The following DLG2 variants were observed in gnomAD, a reference collection of about 807,000 sequenced individuals.
DLG2 encodes disks large homolog 2.
Under a neutral mutation model 132.5 loss-of-function variants are expected in DLG2, and 45 were observed. The observed-to-expected ratio is 0.34, with a 90% CI of 0.27 to 0.44. DLG2 has a LOEUF of 0.44. Ranked by LOEUF, DLG2 falls within the 20% of genes least tolerant of loss-of-function variation. The pLI is 1.00. For synonymous variants in DLG2, 424 were observed against 419.6 expected (o/e 1.01, Z -0.13); for missense variants, 1,045 against 1,196.9 (o/e 0.87, Z 1.87).
chr11:85,277,434 G>A (rs1427010309), intron 4 of DLG2, among the ~76,000 whole-genome samples: 1 of 152,018 alleles, frequency 6.6e-6, no homozygotes, highest in Non-Finnish European at 1.5e-5. Flanking sequence ...TAGTATTTCT[G>A]GTAAGTATGA....
Position 84,250,686 on chromosome 11 carries a change from T to C in DLG2, c.573+552A>G, listed in dbSNP as rs1409877025. ...TCAAGAACTTTTGCCATCATAGTGG[T>C]TGTGTTACAGGTACAGAATCCTAGG... On this transcript the variant is annotated intron_variant, in intron 8 of 27. Transcript: ENST00000376104. Among the ~76,000 whole-genome samples, 7 of 152,332 alleles carry C rather than the reference T, an allele frequency of 4.6e-5. No homozygotes were observed. In the South Asian group the frequency reaches 6.2e-4, roughly 14 times the overall value.
At chr11:84,313,681 GAA>G (rs926413513) in intron 7 of DLG2, among the ~76,000 whole-genome samples, 16 of 148,988 alleles carry the variant, frequency 1.1e-4, no homozygotes, top group African/African-American at 4.0e-4. Flanking sequence ...AAGAAAGAAA[GAA>G]AGAAAAAGAA....
intron 3 of DLG2, among the ~76,000 whole-genome samples, chr11:85,470,675 C>T (rs572446789): frequency 1.3e-5 from 2 of 151,980 alleles, no homozygotes; most frequent in South Asian, 4.1e-4. Context: ...TTGCAGTGAG[C>T]CAAAATCATG....
intron 11 of DLG2, among the ~76,000 whole-genome samples, chr11:84,036,272 C>T (rs1341931557): frequency 4.6e-5 from 7 of 152,014 alleles, no homozygotes; most frequent in Non-Finnish European, 1.0e-4. Flanking sequence ...ACTTGTATAT[C>T]GTCACAGATA....
chr11:83,693,273 A>G (rs1454947704), intron 18 of DLG2, among the ~76,000 whole-genome samples: 3 of 152,224 alleles, frequency 2.0e-5, no homozygotes, highest in Admixed American at 6.5e-5. Flanking sequence ...ACACAGGAAA[A>G]GTTGTCTGGT....
intron 21 of DLG2, among the ~76,000 whole-genome samples, chr11:83,487,042 A>G (rs933955580): frequency 7.7e-6 from 1 of 130,080 alleles, no homozygotes; most frequent in Non-Finnish European, 1.7e-5. Context: ...AGAATAATAA[A>G]TTAGCAATTC....
intron 7 of DLG2, among the ~76,000 whole-genome samples, chr11:84,522,084 C>G (rs1346493244): frequency 1.3e-5 from 2 of 151,936 alleles, no homozygotes; most frequent in African/African-American, 4.8e-5. Context: ...AGGCGAATCA[C>G]TTGAATCCAG....
intron 4 of DLG2, among the ~76,000 whole-genome samples, chr11:85,246,853 T>C (rs572898756): frequency 1.3e-5 from 2 of 152,238 alleles, no homozygotes; most frequent in South Asian, 4.1e-4. Flanking sequence ...TAACGATCAC[T>C]AACATAGTTA....
intron 6 of DLG2, among the ~76,000 whole-genome samples, chr11:85,045,591 T>C (rs2062266471): frequency 6.6e-6 from 1 of 152,104 alleles, no homozygotes; most frequent in Non-Finnish European, 1.5e-5. Context: ...ATGTCCTTAC[T>C]AATATTAGGT....
intron 7 of DLG2, among the ~76,000 whole-genome samples, chr11:84,383,902 C>A (rs758587109): frequency 6.6e-6 from 1 of 151,850 alleles, no homozygotes. Context: ...AAATGTGTTA[C>A]GCAGCATAGA....
chr11:83,472,653 A>T, intron 23 of DLG2, 74 bp downstream of exon 23: 1 of 1,341,702 alleles, frequency 7.5e-7, no homozygotes, highest in Non-Finnish European at 1.1e-6. Context: ...TTAGTCCTTC[A>T]CTCTTTCCCT....
intron 6 of DLG2, among the ~76,000 whole-genome samples, chr11:84,668,804 A>C (rs993238918): frequency 2.0e-5 from 3 of 152,198 alleles, no homozygotes; most frequent in Non-Finnish European, 4.4e-5. Flanking sequence ...AAATATTTTT[A>C]CATTCAATTT....
chr11:84,541,307 T>C (rs1442636157), intron 6 of DLG2, among the ~76,000 whole-genome samples: 3 of 152,162 alleles, frequency 2.0e-5, no homozygotes, highest in Admixed American at 6.5e-5. Flanking sequence ...CCTGGTATAC[T>C]ACTTATGTCT....
chr11:85,134,533 A>C (rs1259049324), intron 5 of DLG2, among the ~76,000 whole-genome samples: 1 of 132,274 alleles, frequency 7.6e-6, no homozygotes, highest in Non-Finnish European at 1.6e-5. Context: ...CGTCTCAAAA[A>C]AAAAAAAAAA....
intron 18 of DLG2, among the ~76,000 whole-genome samples, chr11:83,697,345 C>T (rs2082118828): frequency 6.6e-6 from 1 of 152,196 alleles, no homozygotes; most frequent in African/African-American, 2.4e-5. Flanking sequence ...GGAAAGATTA[C>T]TTTTATGTAA....
At chr11:83,473,065 C>T (rs2092261707) in intron 22 of DLG2, among the ~76,000 whole-genome samples, 1 of 152,012 alleles carries the variant, frequency 6.6e-6, no homozygotes, top group Non-Finnish European at 1.5e-5. Context: ...AATGCCATGG[C>T]CTCTACACCA....
intron 19 of DLG2, among the ~76,000 whole-genome samples, chr11:83,616,428 T>C (rs2060820052): frequency 6.6e-6 from 1 of 152,212 alleles, no homozygotes; most frequent in Non-Finnish European, 1.5e-5. Flanking sequence ...CACCATTTCA[T>C]GTGAATTGAC....
chr11:85,570,056 A>G (rs1017192593), intron 3 of DLG2, among the ~76,000 whole-genome samples: 1 of 152,178 alleles, frequency 6.6e-6, no homozygotes, highest in Admixed American at 6.5e-5. Flanking sequence ...TACTACGCTC[A>G]CTACCTGGGT....
At chr11:84,995,814 C>G (rs2057595884) in intron 6 of DLG2, among the ~76,000 whole-genome samples, 1 of 152,084 alleles carries the variant, frequency 6.6e-6, no homozygotes, top group African/African-American at 2.4e-5. Flanking sequence ...GGGCTGAAGC[C>G]AGGTCCTGGG....
Sources: allele counts gnomAD v4.1 joint callset (sites outside exome capture counted in the v4.1 genomes callset), GRCh38; gene constraint gnomAD v4.1.1; transcripts MANE v1.5; gene names NCBI Gene and HGNC (gene_info 2026-07-23, HGNC 2026-07-21).